PIP5K1B: variants seen among roughly 807,000 people sequenced by gnomAD.
The protein encoded by PIP5K1B is phosphatidylinositol-4-phosphate 5-kinase type 1 beta, also known as phosphatidylinositol 4-phosphate 5-kinase type-1 beta.
PIP5K1B carries 42 observed loss-of-function variants against 67.0 expected under a neutral mutation model. The ratio of observed to expected loss-of-function variants is 0.63; its 90% confidence interval spans 0.49 to 0.81. PIP5K1B has a LOEUF of 0.81. Among genes scored for constraint, PIP5K1B ranks in the 30% least tolerant of loss-of-function variants. PIP5K1B has a pLI of 0.00. For missense variants in PIP5K1B, 459 were observed against 646.3 expected (o/e 0.71, Z 3.14); for synonymous variants, 214 against 231.4 (o/e 0.92, Z 0.68).
intron 2 of PIP5K1B, chr9:68,780,018 C>A (rs1831147836): frequency 1.8e-6 from 2 of 1,081,414 alleles, no homozygotes; most frequent in South Asian, 2.5e-5. Context: ...ACATCGCGAG[C>A]GCCTGCGCGA....
chr9:69,007,557 T>C (rs1246824636), intron 15 of PIP5K1B, among the ~76,000 whole-genome samples: 1 of 152,086 alleles, frequency 6.6e-6, no homozygotes, highest in Non-Finnish European at 1.5e-5. Flanking sequence ...ATTCTACAGA[T>C]GAAATAATTA....
intron 5 of PIP5K1B, among the ~76,000 whole-genome samples, chr9:68,865,749 T>C (rs1587582484): frequency 6.6e-6 from 1 of 152,292 alleles, no homozygotes; most frequent in East Asian, 1.9e-4. Context: ...GACATGCAGA[T>C]TCTTGGGCTC....
intron 14 of PIP5K1B, among the ~76,000 whole-genome samples, chr9:68,968,384 G>A (rs1020275729): frequency 3.3e-5 from 5 of 152,048 alleles, no homozygotes; most frequent in African/African-American, 9.7e-5. Flanking sequence ...GCCAGGTGTG[G>A]TGGTGCATGC....
intron 2 of PIP5K1B, among the ~76,000 whole-genome samples, chr9:68,802,951 T>C (rs912291148): frequency 3.9e-5 from 6 of 152,140 alleles, no homozygotes; most frequent in Non-Finnish European, 8.8e-5. Context: ...GCAATGTTGT[T>C]CACCAACAAG....
At position 69,008,817 on chromosome 9, in the gene PIP5K1B, T is replaced by C. The variant is rs1587800896; in HGVS notation, c.*368T>C. 1.0e-5 allele frequency: 2 copies of C among 200,968 alleles called. No homozygotes were observed. The highest frequency in any genetic ancestry group is 2.1e-5 in the Non-Finnish European group (2 of 96,134). The allele number at this position is 200,968 out of a possible 1,614,324, so 12.4% of individuals were successfully genotyped here. ...CCAGTGATTATACATAAGCAACATA[T>C]GTAATCTGCTTATATATTTTTAAAA... On this transcript the variant is annotated 3_prime_UTR_variant, in exon 16 of 16. Coordinates refer to ENST00000265382, the MANE Select transcript of PIP5K1B (RefSeq NM_003558.4).
At chr9:68,823,036 A>G (rs1480772973) in intron 4 of PIP5K1B, among the ~76,000 whole-genome samples, 1 of 152,144 alleles carries the variant, frequency 6.6e-6, no homozygotes, top group Non-Finnish European at 1.5e-5. Flanking sequence ...AAAGCCAGCA[A>G]TGGCCGGTGG....
intron 7 of PIP5K1B, among the ~76,000 whole-genome samples, chr9:68,890,985 CACCT>C: frequency 6.6e-6 from 1 of 152,298 alleles, no homozygotes; most frequent in East Asian, 1.9e-4. Context: ...TGGTGGCTCA[CACCT>C]GTAATCCCAG....
chr9:68,942,570 A>G (rs1467477895), intron 14 of PIP5K1B, among the ~76,000 whole-genome samples: 3 of 151,038 alleles, frequency 2.0e-5, no homozygotes, highest in Non-Finnish European at 4.4e-5. Flanking sequence ...CCTCCTCCTG[A>G]CTCCCAATCG....
intron 11 of PIP5K1B, among the ~76,000 whole-genome samples, chr9:68,920,720 G>A (rs1395249221): frequency 6.6e-6 from 1 of 151,422 alleles, no homozygotes; most frequent in African/African-American, 2.4e-5. Flanking sequence ...ACAAAGAGCA[G>A]TTTCTCCCAT....
intron 1 of PIP5K1B, among the ~76,000 whole-genome samples, chr9:68,719,799 A>G (rs753436145): frequency 1.3e-5 from 2 of 152,186 alleles, no homozygotes; most frequent in African/African-American, 4.8e-5. Context: ...TCCCTCTCCT[A>G]CATGACAATT....
intron 1 of PIP5K1B, among the ~76,000 whole-genome samples, chr9:68,710,090 A>C (rs547284114): frequency 6.6e-6 from 1 of 152,340 alleles, no homozygotes; most frequent in South Asian, 2.1e-4. Context: ...CAGAACATTT[A>C]ATATCCTGGA....
chr9:68,776,630 TA>T (rs1457634007), intron 2 of PIP5K1B, among the ~76,000 whole-genome samples: 1 of 151,926 alleles, frequency 6.6e-6, no homozygotes, highest in Non-Finnish European at 1.5e-5. Flanking sequence ...ATTTTTAACC[TA>T]AAAATAAGTA....
At chr9:68,822,484 C>A in intron 3 of PIP5K1B, 131 bp from the exon 4 acceptor site, 1 of 606,996 alleles carries the variant, frequency 1.6e-6, no homozygotes, top group African/African-American at 1.9e-5. Context: ...TTCTGTCTTC[C>A]TTAGGAACAA....
Position 68,894,588 on chromosome 9 carries a change from G to T in PIP5K1B, c.721G>T (p.Asp241Tyr), listed in dbSNP as rs1447904506. Residue 241 changes from aspartate (D) to tyrosine (Y), a missense_variant, in exon 8 of 16, where the codon GAT becomes TAT. By Grantham distance (160) the Asp-to-Tyr change is radical. This residue lies in a region of PIP5K1B where 290 missense variants were observed against 474.4 expected (regional missense o/e 0.61). Coordinates refer to ENST00000265382, the MANE Select transcript of PIP5K1B (RefSeq NM_003558.4). ...LQDMHEGLYF[D>Y]TETYNALMKT... ...AGACATGCACGAAGGGTTGTATTTTGATACGGAAACATACAACGCGCTTAT... is the reference window on the plus strand; with the variant it reads ...AGACATGCACGAAGGGTTGTATTTTTATACGGAAACATACAACGCGCTTAT... The T allele has an allele frequency of 1.2e-6, 2 of 1,614,098 alleles. 1 individual carries two copies. The highest frequency in any genetic ancestry group is 2.2e-5 in the South Asian group (2 of 91,076).
At chr9:68,963,223 G>A (rs1828839141) in intron 14 of PIP5K1B, 1 of 456,092 alleles carries the variant, frequency 2.2e-6, no homozygotes, top group Admixed American at 2.4e-5. Context: ...TAAGCAAGCA[G>A]TCCTGTGTGT....
intron 2 of PIP5K1B, among the ~76,000 whole-genome samples, chr9:68,793,963 G>A (rs1216510194): frequency 2.0e-5 from 3 of 152,208 alleles, no homozygotes; most frequent in South Asian, 2.1e-4. Flanking sequence ...CAATCAGAGA[G>A]GTAGGAAAAC....
At chr9:68,839,599 T>A (rs1265810104) in intron 4 of PIP5K1B, among the ~76,000 whole-genome samples, 3 of 152,224 alleles carry the variant, frequency 2.0e-5, no homozygotes, top group Admixed American at 2.0e-4. Context: ...CCCTTTTCTA[T>A]GTTCTTGGCA....
intron 2 of PIP5K1B, chr9:68,782,833 A>G (rs970421993): frequency 3.6e-5 from 6 of 167,080 alleles, no homozygotes; most frequent in Admixed American, 2.0e-4. Context: ...GGAATTGTTA[A>G]TCTTCTCACT....
At chr9:68,918,821 T>C (rs1826228248) in intron 9 of PIP5K1B, among the ~76,000 whole-genome samples, 1 of 152,210 alleles carries the variant, frequency 6.6e-6, no homozygotes, top group Non-Finnish European at 1.5e-5. Context: ...TCAGTTAAAT[T>C]ATCCTATATC....
Sources: allele counts gnomAD v4.1 joint callset (sites outside exome capture counted in the v4.1 genomes callset), GRCh38; gene constraint gnomAD v4.1.1; regional missense constraint gnomAD v4.1.1; transcripts MANE v1.5; gene names NCBI Gene and HGNC (gene_info 2026-07-23, HGNC 2026-07-21).